ST6GAL2: variants seen among roughly 807,000 people sequenced by gnomAD.
The protein encoded by ST6GAL2 is ST6 beta-galactoside alpha-2,6-sialyltransferase 2, also known as beta-galactoside alpha-2,6-sialyltransferase 2.
Under a neutral mutation model 37.5 loss-of-function variants are expected in ST6GAL2, and 24 were observed. The ratio of observed to expected loss-of-function variants is 0.64; its 90% CI spans 0.46 to 0.90. ST6GAL2 has a LOEUF of 0.90. Ranked by LOEUF, ST6GAL2 falls within the 40% of genes least tolerant of loss-of-function variation. The pLI, the probability that ST6GAL2 is intolerant of heterozygous loss-of-function variation, is 0.00. For missense variants in ST6GAL2, 715 were observed against 712.7 expected, an observed-to-expected ratio of 1.00 and a Z score of -0.04; for synonymous variants, 306 against 295.1, an observed-to-expected ratio of 1.04 and a Z score of -0.38.
intron 1 of ST6GAL2, among the ~76,000 whole-genome samples, chr2:106,863,560 C>T (rs1286492959): frequency 2.0e-5 from 3 of 152,150 alleles, no homozygotes; most frequent in Non-Finnish European, 4.4e-5. Context: ...GAAGTGGCAC[C>T]TGTAGAACGT....
At chr2:106,850,748 G>A (rs1677325385) in intron 1 of ST6GAL2, among the ~76,000 whole-genome samples, 1 of 152,180 alleles carries the variant, frequency 6.6e-6, no homozygotes, top group African/African-American at 2.4e-5. Context: ...ATGACCATAA[G>A]CCTAATAGGA....
chr2:106,873,452 T>C (rs1678365907), intron 1 of ST6GAL2, among the ~76,000 whole-genome samples: 1 of 152,248 alleles, frequency 6.6e-6, no homozygotes, highest in South Asian at 2.1e-4. Context: ...AGCCCATTCG[T>C]TCTGGAACGG....
intron 1 of ST6GAL2, among the ~76,000 whole-genome samples, chr2:106,882,806 T>C (rs1164719973): frequency 6.6e-6 from 1 of 152,148 alleles, no homozygotes; most frequent in East Asian, 1.9e-4. Flanking sequence ...ACTGCATGCC[T>C]TCAATTTGGA....
intron 5 of ST6GAL2, among the ~76,000 whole-genome samples, chr2:106,817,082 C>G (rs991846631): frequency 2.6e-5 from 4 of 152,212 alleles, no homozygotes; most frequent in Admixed American, 2.6e-4. Context: ...TTCTGGCAAG[C>G]CTCGCCACCA....
intron 1 of ST6GAL2, among the ~76,000 whole-genome samples, chr2:106,852,254 G>A (rs1334500150): frequency 2.6e-5 from 4 of 152,204 alleles, no homozygotes; most frequent in African/African-American, 4.8e-5. Context: ...AGTCCTGCGG[G>A]ATTGCCAAGT....
intron 5 of ST6GAL2, among the ~76,000 whole-genome samples, chr2:106,823,442 A>AACACACACACAC (rs60795605): frequency 0.051 from 5,150 of 100,540 alleles, 145 homozygotes; most frequent in Non-Finnish European, 0.069. Flanking sequence ...CCCAGCAGAA[A>AACACACACACAC]ACACACACAC....
At chr2:106,812,970 CT>C (rs1675664656) in intron 5 of ST6GAL2, 1 of 1,075,882 alleles carries the variant, frequency 9.3e-7, no homozygotes, top group Admixed American at 4.3e-5. Context: ...AGTTTTACTG[CT>C]TTCAACATGA....
At chr2:106,840,798 T>A (rs933588913) in intron 2 of ST6GAL2, among the ~76,000 whole-genome samples, 3 of 152,228 alleles carry the variant, frequency 2.0e-5, no homozygotes, top group Non-Finnish European at 4.4e-5. Flanking sequence ...AACGAGGGAC[T>A]GCCCACTGAC....
intron 5 of ST6GAL2, among the ~76,000 whole-genome samples, chr2:106,816,115 C>T (rs1675792768): frequency 6.6e-6 from 1 of 152,154 alleles, no homozygotes; most frequent in Non-Finnish European, 1.5e-5. Context: ...ATTGTATAAA[C>T]ATTTAGTTAT....
At chr2:106,864,576 T>C (rs1677945454) in intron 1 of ST6GAL2, among the ~76,000 whole-genome samples, 1 of 152,232 alleles carries the variant, frequency 6.6e-6, no homozygotes, top group Non-Finnish European at 1.5e-5. Context: ...TGGATTCAGA[T>C]ACATTTCCAA....
At chr2:106,812,645 A>C (rs1356793611) in intron 5 of ST6GAL2, among the ~76,000 whole-genome samples, 1 of 152,206 alleles carries the variant, frequency 6.6e-6, no homozygotes, top group Non-Finnish European at 1.5e-5. Context: ...ATAAGCAGTC[A>C]AGCTGGCGGT....
At chr2:106,819,186 G>A (rs1558680195) in intron 5 of ST6GAL2, among the ~76,000 whole-genome samples, 1 of 152,094 alleles carries the variant, frequency 6.6e-6, no homozygotes, top group East Asian at 1.9e-4. Flanking sequence ...TTTATTCAAA[G>A]GGATAATAAC....
chr2:106,828,755 G>A (rs1010227749), intron 5 of ST6GAL2, among the ~76,000 whole-genome samples: 3 of 152,108 alleles, frequency 2.0e-5, no homozygotes, highest in African/African-American at 7.2e-5. Flanking sequence ...GTTCTTTAAA[G>A]ACAAAACCAA....
intron 1 of ST6GAL2, among the ~76,000 whole-genome samples, chr2:106,883,016 G>A (rs886944178): frequency 1.3e-5 from 2 of 152,182 alleles, no homozygotes; most frequent in Non-Finnish European, 2.9e-5. Context: ...GAAGATAATA[G>A]TCACAACTGC....
chr2:106,878,262 A>G (rs974936085), intron 1 of ST6GAL2, among the ~76,000 whole-genome samples: 4 of 152,244 alleles, frequency 2.6e-5, no homozygotes, highest in Admixed American at 2.6e-4. Context: ...CAGAAGTTCA[A>G]GACCAGCCTG....
intron 1 of ST6GAL2, among the ~76,000 whole-genome samples, chr2:106,879,907 ATAC>A (rs1270883581): frequency 6.7e-6 from 1 of 148,170 alleles, no homozygotes; most frequent in Non-Finnish European, 1.5e-5. Context: ...GACCAATTAT[ATAC>A]TATTATACTT....
intron 1 of ST6GAL2, among the ~76,000 whole-genome samples, chr2:106,869,922 C>G (rs552307282): frequency 6.6e-6 from 1 of 152,332 alleles, no homozygotes; most frequent in African/African-American, 2.4e-5. Context: ...GCCAGGGAGA[C>G]AGCCAATCCT....
At chr2:106,856,993 C>A (rs535195843) in intron 1 of ST6GAL2, among the ~76,000 whole-genome samples, 8 of 152,218 alleles carry the variant, frequency 5.3e-5, no homozygotes, top group African/African-American at 1.7e-4. Context: ...ACAAAAATCA[C>A]CTTGGCAGAT....
At chr2:106,873,011 T>G (rs1012410008) in intron 1 of ST6GAL2, among the ~76,000 whole-genome samples, 1 of 152,060 alleles carries the variant, frequency 6.6e-6, no homozygotes, top group Non-Finnish European at 1.5e-5. Context: ...GTTGCAAAAT[T>G]TCAAAAAACA....
Sources: gnomAD v4.1 joint callset for allele counts (sites outside exome capture counted in the v4.1 genomes callset) on GRCh38, gnomAD v4.1.1 for gene constraint, MANE v1.5 for transcripts, NCBI Gene and HGNC (gene_info 2026-07-23, HGNC 2026-07-21) for gene names.